Variants in TRIM2 observed in about 807,000 individuals in gnomAD.
The protein encoded by TRIM2 is tripartite motif-containing protein 2.
TRIM2 carries 20 observed loss-of-function variants against 75.2 expected under a neutral mutation model. The observed-to-expected ratio is 0.27, with a 90% CI of 0.19 to 0.39. The LOEUF is 0.39. TRIM2 is among the 10% of genes least tolerant of loss of function. The pLI, the probability that TRIM2 is intolerant of heterozygous loss-of-function variation, is 1.00. For missense variants in TRIM2, 660 were observed against 990.8 expected, an observed-to-expected ratio of 0.67 and a Z score of 4.48; for synonymous variants, 373 against 388.3, an observed-to-expected ratio of 0.96 and a Z score of 0.46.
In TRIM2 at chr4:153,198,752, G is replaced by A. The variant is rs151033359; in HGVS notation, c.-49+45482G>A. Among the ~76,000 whole-genome samples, 20 of 152,272 alleles carry A rather than the reference G, an allele frequency of 1.3e-4. No individual in the cohort carries two copies. The East Asian group carries it at 3.5e-3, about 26-fold the overall frequency. ...AAGTGTTTTGTATGTTGGCAAATCA[G>A]GGACTTGATAATGAGTGCAGTACTG... is the stretch of plus-strand genomic sequence containing the variant. On this transcript the variant is annotated intron_variant, in intron 1 of 11. Transcript: ENST00000437508.
Position 153,295,880 on chromosome 4 carries a change from G to A in TRIM2, c.1354G>A (p.Ala452Thr), listed in dbSNP as rs1167093363. The change falls in exon 6 of 12, where the codon GCT becomes ACT. Residue 452 changes from alanine (A) to threonine (T), a missense_variant. Physicochemically the swap from Ala to Thr is moderately conservative, Grantham distance 58. Coordinates refer to ENST00000338700, the MANE Select transcript of TRIM2 (RefSeq NM_015271.5). The surrounding 1 kb of genome is among the most constrained non-coding windows in gnomAD (Gnocchi z 7.2). ...SPFKLKVIRS[A>T]DVSPTTEGVK... is the part of the protein sequence containing the mutation. ...GTTTAAGCTGAAAGTGATCCGATCC[G>A]CTGATGTGTCTCCCACCACAGAAGG... 3.1e-6 allele frequency: 5 copies of A among 1,613,762 alleles called. No homozygotes were observed. The highest frequency in any genetic ancestry group is 3.4e-6 in the Non-Finnish European group (4 of 1,179,828).
At chr4:153,158,744 T>G (rs1729467587) in intron 1 of TRIM2, among the ~76,000 whole-genome samples, 1 of 152,204 alleles carries the variant, frequency 6.6e-6, no homozygotes, top group Non-Finnish European at 1.5e-5. Flanking sequence ...ACTGATATTC[T>G]TGGACACAAT....
At chr4:153,207,877 C>T (rs1458596070) in intron 1 of TRIM2, among the ~76,000 whole-genome samples, 6 of 152,194 alleles carry the variant, frequency 3.9e-5, no homozygotes, top group African/African-American at 1.4e-4. Context: ...AGAAATCTCC[C>T]CGGAGGAACT....
In TRIM2 at chr4:153,308,412, A is replaced by G. The variant is rs187874524; in HGVS notation, c.1511-7073A>G. 2.1e-4 allele frequency: 181 copies of G among 856,010 alleles called. No homozygotes were observed. The African/African-American group carries it at 2.8e-3, about 13-fold the overall frequency. 53.0% of individuals were successfully genotyped at this position (856,010 alleles called of 1,614,324 possible). ...GTCCTTGTTGGTTCCCAGCCCCTTC[A>G]TGGAAGATTTTAGCTCAGAAGCATC... On this transcript the variant is annotated intron_variant, in intron 6 of 11. Coordinates refer to ENST00000338700, the MANE Select transcript of TRIM2 (RefSeq NM_015271.5).
intron 10 of TRIM2, among the ~76,000 whole-genome samples, chr4:153,326,539 G>T (rs1044756848): frequency 1.3e-5 from 2 of 152,078 alleles, no homozygotes; most frequent in African/African-American, 2.4e-5. Flanking sequence ...CTAACAAGGG[G>T]TCTAGTTAGC....
intron 1 of TRIM2, chr4:153,257,608 G>T: frequency 7.8e-7 from 1 of 1,288,564 alleles, no homozygotes; most frequent in Middle Eastern, 2.1e-4. Context: ...GCACTGCATG[G>T]TAGGGAATTT....
chr4:153,290,067 C>G (rs1181089085), intron 3 of TRIM2, among the ~76,000 whole-genome samples: 1 of 152,168 alleles, frequency 6.6e-6, no homozygotes, highest in African/African-American at 2.4e-5. Context: ...AATAAAATGT[C>G]TGGTAAAAGT....
In TRIM2 at chr4:153,260,724, A is replaced by ACACACACACACACACACACAT. The variant is rs528342465; in HGVS notation, c.31-9609_31-9608insCACACACACACACACACATCA. On this transcript the variant is annotated intron_variant, in intron 1 of 11. Coordinates refer to ENST00000338700, the MANE Select transcript of TRIM2 (RefSeq NM_015271.5). ...CCCACACACACACACACACACACACACATCATCATCATCATCATCATGATC... is the reference window on the plus strand; with the variant it reads ...CCCACACACACACACACACACACACACACACACACACACACACACATCATCATCATCATCATCATCATGATC... Among the ~76,000 whole-genome samples the ACACACACACACACACACACAT allele has an allele frequency of 6.6e-4, 74 of 112,626 alleles. 2 individuals are homozygous for ACACACACACACACACACACAT. The highest frequency in any genetic ancestry group is 2.1e-3 in the African/African-American group (67 of 32,524). 73.9% of individuals were successfully genotyped at this position (112,626 alleles called of 152,430 possible).
At chr4:153,332,106 A>G (rs1463639356) in intron 11 of TRIM2, among the ~76,000 whole-genome samples, 4 of 152,248 alleles carry the variant, frequency 2.6e-5, no homozygotes, top group Admixed American at 2.0e-4. Context: ...CTAGGGCTCC[A>G]TGAAGAGTTT....
intron 1 of TRIM2, among the ~76,000 whole-genome samples, chr4:153,256,945 TTATGA>T (rs1243491601): frequency 2.7e-5 from 4 of 148,764 alleles, no homozygotes; most frequent in East Asian, 1.9e-4. Context: ...TTTAAAAAAA[TTATGA>T]TATGTGTTTA....
At chr4:153,300,740 G>A (rs1427561004) in intron 6 of TRIM2, among the ~76,000 whole-genome samples, 2 of 151,944 alleles carry the variant, frequency 1.3e-5, no homozygotes, top group Admixed American at 6.6e-5. Context: ...GGCCAGGATG[G>A]TCTTGATCTC....
In TRIM2 at chr4:153,244,159, CTTCTTCTT is replaced by C. The variant is rs1560872249; in HGVS notation, c.31-26175_31-26168del. Reference sequence around the variant, plus strand: ...TCTTCTTCTTGTTCTTCTTGTTCTTCTTCTTCTTCTTCTTCTTCTTCTCCTCCTTCTTC... The same window carrying C: ...TCTTCTTCTTGTTCTTCTTGTTCTTCCTTCTTCTTCTTCTCCTCCTTCTTC... On this transcript the variant is annotated intron_variant, in intron 1 of 11. Transcript: ENST00000338700. 2.4e-4 allele frequency among the ~76,000 whole-genome samples: 34 copies of C among 144,296 alleles called. 1 individual carries two copies. Among genetic ancestry groups the C allele is most frequent in the African/African-American group, 9.0e-4 (33 of 36,670 alleles). The allele number at this position is 144,296 out of a possible 152,430, so 94.7% of individuals were successfully genotyped here.
At chr4:153,262,177 C>T (rs745494946) in intron 1 of TRIM2, among the ~76,000 whole-genome samples, 6 of 152,158 alleles carry the variant, frequency 3.9e-5, no homozygotes, top group African/African-American at 9.7e-5. Flanking sequence ...TTTACCAAGA[C>T]AACAGTATTG....
intron 1 of TRIM2, among the ~76,000 whole-genome samples, chr4:153,168,596 AG>A (rs1167162500): frequency 2.6e-5 from 4 of 152,122 alleles, no homozygotes; most frequent in Non-Finnish European, 5.9e-5. Context: ...AGAGACTTTA[AG>A]GGAAATAACT....
chr4:153,320,651 G>A (rs1430108124), intron 8 of TRIM2, among the ~76,000 whole-genome samples: 1 of 151,828 alleles, frequency 6.6e-6, no homozygotes, highest in Non-Finnish European at 1.5e-5. Flanking sequence ...TGTTGTTTTC[G>A]AGACAGAGTC....
At chr4:153,267,194 CAT>C (rs1340221042) in intron 1 of TRIM2, among the ~76,000 whole-genome samples, 1 of 152,084 alleles carries the variant, frequency 6.6e-6, no homozygotes, top group Non-Finnish European at 1.5e-5. Context: ...GTTAAAGTGT[CAT>C]ATGTAAACCA....
At chr4:153,204,797 C>T (rs1734941603) in intron 1 of TRIM2, among the ~76,000 whole-genome samples, 1 of 152,114 alleles carries the variant, frequency 6.6e-6, no homozygotes, top group Non-Finnish European at 1.5e-5. Context: ...CTGGATTTGA[C>T]ACCAAAGCAA....
At chr4:153,157,301 C>CCCCAAAG (rs1161537969) in intron 1 of TRIM2, 116 of 152,304 alleles carry the variant, frequency 7.6e-4, no homozygotes, top group Middle Eastern at 3.4e-3. Context: ...AAAAGAAAAA[C>CCCCAAAG]CCCAAAGCCA....
intron 6 of TRIM2, 106 bp downstream of exon 6, chr4:153,296,142 C>T: frequency 1.4e-6 from 2 of 1,386,988 alleles, no homozygotes; most frequent in Non-Finnish European, 1.9e-6. Context: ...ACTCTACCTG[C>T]AGGTGTTAGG....
Sources: allele counts gnomAD v4.1 joint callset (sites outside exome capture counted in the v4.1 genomes callset), GRCh38; gene constraint gnomAD v4.1.1; non-coding constraint Gnocchi (gnomAD v3.1); transcripts MANE v1.5; gene names NCBI Gene and HGNC (gene_info 2026-07-23, HGNC 2026-07-21).